NLGN4Y: variants seen among roughly 807,000 people sequenced by gnomAD.
NLGN4Y encodes the protein neuroligin 4 Y-linked.
In NLGN4Y, 4 loss-of-function variants were observed where a neutral mutation model predicts 8.4. The ratio of observed to expected loss-of-function variants is 0.48; its 90% CI spans 0.23 to 1.09. The LOEUF (loss-of-function observed/expected upper bound fraction) is 1.09. Ranked by LOEUF, NLGN4Y falls within the 50% of genes least tolerant of loss-of-function variation. The pLI is 0.19. For missense variants in NLGN4Y, 90 were observed against 192.3 expected, an observed-to-expected ratio of 0.47 and a Z score of 3.15; for synonymous variants, 35 against 75.6, an observed-to-expected ratio of 0.46 and a Z score of 2.78.
intron 1 of NLGN4Y, among the ~76,000 whole-genome samples, chrY:14,541,749 A>G (rs2080150030): frequency 8.9e-5 from 3 of 33,706 alleles, no homozygotes. Flanking sequence ...ACAGACAAGC[A>G]AATGCTGAGA....
At chrY:14,618,024 T>C in intron 1 of NLGN4Y, among the ~76,000 whole-genome samples, 1 of 29,571 alleles carries the variant, frequency 3.4e-5, no homozygotes, top group South Asian at 8.5e-4. Context: ...CTTAGCTTGC[T>C]GGGCTCCATG....
intron 4 of NLGN4Y, among the ~76,000 whole-genome samples, chrY:14,768,344 T>A: frequency 3.0e-5 from 1 of 33,694 alleles, no homozygotes; most frequent in Non-Finnish European, 7.3e-5. Flanking sequence ...ATCTCTACAC[T>A]TTCTGCAACC....
chrY:14,628,298 C>G (rs763962791), intron 2 of NLGN4Y, among the ~76,000 whole-genome samples: 1 of 33,851 alleles, frequency 3.0e-5, no homozygotes, highest in Non-Finnish European at 7.3e-5. Context: ...TCCCTATCAT[C>G]TTTTTTCCCC....
chrY:14,637,575 G>A (rs2080569095), intron 2 of NLGN4Y, among the ~76,000 whole-genome samples: 1 of 33,337 alleles, frequency 3.0e-5, no homozygotes, highest in Non-Finnish European at 7.4e-5. Context: ...ATATGCTTTA[G>A]AAATTAAAAG....
intron 1 of NLGN4Y, among the ~76,000 whole-genome samples, chrY:14,549,129 C>T: frequency 9.2e-5 from 3 of 32,767 alleles, no homozygotes; most frequent in Non-Finnish European, 1.5e-4. Flanking sequence ...CAAGCTTACC[C>T]GGCTCCCTGC....
intron 6 of NLGN4Y, among the ~76,000 whole-genome samples, chrY:14,835,155 T>C: frequency 6.0e-5 from 2 of 33,532 alleles, no homozygotes; most frequent in Non-Finnish European, 1.5e-4. Context: ...TCAAAGCAGA[T>C]GGTTCTGATT....
chrY:14,594,799 C>CT (rs2080387997), intron 1 of NLGN4Y, among the ~76,000 whole-genome samples: 1 of 32,804 alleles, frequency 3.0e-5, no homozygotes, highest in Non-Finnish European at 7.5e-5. Flanking sequence ...AATTCATGGG[C>CT]TTTTTTCTAA....
chrY:14,543,106 TATGTACCCCAGA>T lies in NLGN4Y; in HGVS notation c.-112+18404_-112+18415del, dbSNP rs2150465762. ...ATGTAACAAACCTGCACGTTCTGCA[TATGTACCCCAGA>T]ATGTAGAGTATACATAAAAAAGATC... is the stretch of plus-strand genomic sequence containing the variant. On this transcript the variant is annotated intron_variant, in intron 1 of 6. Coordinates refer to ENST00000684976, the MANE Select transcript of NLGN4Y (RefSeq NM_001365588.1). Among the ~76,000 whole-genome samples the T allele has an allele frequency of 2.1e-4, 7 of 33,367 alleles. No individual in the cohort carries two copies. The East Asian group carries it at 5.4e-3, about 26-fold the overall frequency. The allele number at this position is 33,367 out of a possible 37,273, so 89.5% of individuals were successfully genotyped here. A position where few individuals can be genotyped will look rare whatever the true frequency, so the allele number is the denominator to read the frequency against.
At chrY:14,576,604 C>T in intron 1 of NLGN4Y, among the ~76,000 whole-genome samples, 2 of 33,183 alleles carry the variant, frequency 6.0e-5, no homozygotes, top group Non-Finnish European at 1.5e-4. Flanking sequence ...TTCTGACACT[C>T]CCCAGTGAGA....
chrY:14,564,471 G>T (rs2080244315), intron 1 of NLGN4Y, among the ~76,000 whole-genome samples: 1 of 33,132 alleles, frequency 3.0e-5, no homozygotes, highest in Non-Finnish European at 7.4e-5. Flanking sequence ...GCTTGAGTAG[G>T]TGGTTTTATG....
intron 1 of NLGN4Y, among the ~76,000 whole-genome samples, chrY:14,603,775 A>G: frequency 3.0e-5 from 1 of 33,422 alleles, no homozygotes; most frequent in East Asian, 7.8e-4. Flanking sequence ...TTAGATTTAG[A>G]TATTGTGTTT....
intron 1 of NLGN4Y, among the ~76,000 whole-genome samples, chrY:14,562,656 T>A: frequency 3.0e-5 from 1 of 33,700 alleles, no homozygotes; most frequent in South Asian, 6.6e-4. Context: ...ATTTTCAATA[T>A]ATTGATTCTT....
chrY:14,652,624 G>A, intron 2 of NLGN4Y, among the ~76,000 whole-genome samples: 2 of 32,643 alleles, frequency 6.1e-5, no homozygotes, highest in African/African-American at 2.4e-4. Flanking sequence ...ATATTATAAA[G>A]CTTTTCAATA....
chrY:14,805,473 G>A, intron 4 of NLGN4Y, among the ~76,000 whole-genome samples: 1 of 33,548 alleles, frequency 3.0e-5, no homozygotes, highest in African/African-American at 1.2e-4. Context: ...CAAGGAAATA[G>A]TTCCACAATT....
intron 2 of NLGN4Y, among the ~76,000 whole-genome samples, chrY:14,671,672 C>A (rs2080711309): frequency 6.3e-5 from 2 of 31,595 alleles, no homozygotes; most frequent in Admixed American, 2.9e-4. Context: ...CATGGAGAAA[C>A]CCCATCTCTA....
chrY:14,663,587 T>TC (rs2080682171), intron 2 of NLGN4Y, among the ~76,000 whole-genome samples: 2 of 33,054 alleles, frequency 6.1e-5, no homozygotes, highest in Admixed American at 2.8e-4. Context: ...GAAAAGTACA[T>TC]CTGAGGCAGG....
At position 14,844,073 on chromosome Y, in the gene NLGN4Y, G is replaced by T; in HGVS notation, c.*2811G>T. Reference sequence around the variant, plus strand: ...ATGCTACATGGTAGCTCTCACATAGGCTACAAATGGATAAATACATTTGGT... The same window carrying T: ...ATGCTACATGGTAGCTCTCACATAGTCTACAAATGGATAAATACATTTGGT... On this transcript the variant is annotated 3_prime_UTR_variant, in exon 7 of 7. Transcript: ENST00000684976. 9.2e-6 allele frequency: 1 copy of T among 109,136 alleles called. No individual in the cohort carries two copies. Among genetic ancestry groups the T allele is most frequent in the Non-Finnish European group, 1.9e-5 (1 of 53,023 alleles). 27.2% of individuals were successfully genotyped at this position (109,136 alleles called of 400,897 possible). A position where few individuals can be genotyped will look rare whatever the true frequency, so the allele number is the denominator to read the frequency against.
At chrY:14,644,440 T>C in intron 2 of NLGN4Y, among the ~76,000 whole-genome samples, 1 of 33,222 alleles carries the variant, frequency 3.0e-5, no homozygotes, top group Non-Finnish European at 7.4e-5. Context: ...AGCTGAAGTC[T>C]AGAGCCTGAC....
chrY:14,664,429 A>C, intron 2 of NLGN4Y, among the ~76,000 whole-genome samples: 1 of 33,076 alleles, frequency 3.0e-5, no homozygotes, highest in Non-Finnish European at 7.5e-5. Context: ...ACATAATAAG[A>C]CTTGATTGAT....
Sources: gnomAD v4.1 joint callset for allele counts (sites outside exome capture counted in the v4.1 genomes callset) on GRCh38, gnomAD v4.1.1 for gene constraint, MANE v1.5 for transcripts, NCBI Gene and HGNC (gene_info 2026-07-23, HGNC 2026-07-21) for gene names.